Variants in CDH1 observed in about 807,000 individuals in gnomAD.
The protein encoded by CDH1 is cadherin-1.
Under a neutral mutation model 84.5 loss-of-function variants are expected in CDH1, and 35 were observed. That is an observed-to-expected ratio of 0.41 (90% CI 0.32 to 0.55). The LOEUF (loss-of-function observed/expected upper bound fraction) is 0.55, where lower values mean the gene tolerates loss of function less well. Ranked by LOEUF, CDH1 falls within the 20% of genes least tolerant of loss-of-function variation. CDH1 has a pLI of 0.19. For synonymous variants in CDH1, 417 were observed against 439.0 expected (o/e 0.95, Z 0.63); for missense variants, 994 against 1,126.6 (o/e 0.88, Z 1.68).
intron 15 of CDH1, among the ~76,000 whole-genome samples, chr16:68,832,743 C>T (rs1961517432): frequency 6.6e-6 from 1 of 152,084 alleles, no homozygotes; most frequent in African/African-American, 2.4e-5. Flanking sequence ...TCGCTTGAAC[C>T]TGGGAGGCAG....
intron 3 of CDH1, among the ~76,000 whole-genome samples, chr16:68,802,136 C>CA (rs1450302178): frequency 1.3e-5 from 2 of 152,196 alleles, no homozygotes; most frequent in Non-Finnish European, 2.9e-5. Flanking sequence ...CCTGGGGGGA[C>CA]AAATCAGCCC....
At chr16:68,777,361 A>G (rs1296232438) in intron 2 of CDH1, among the ~76,000 whole-genome samples, 1 of 152,180 alleles carries the variant, frequency 6.6e-6, no homozygotes, top group Non-Finnish European at 1.5e-5. Context: ...AGACAATAAT[A>G]GTACCTAATT....
At chr16:68,796,805 A>G (rs1960374404) in intron 2 of CDH1, among the ~76,000 whole-genome samples, 1 of 152,152 alleles carries the variant, frequency 6.6e-6, no homozygotes, top group African/African-American at 2.4e-5. Flanking sequence ...AGGCCAAGTA[A>G]TACAAGGATA....
chr16:68,803,121 C>A lies in CDH1; in HGVS notation c.387+1228C>A, dbSNP rs191530885. Among the ~76,000 whole-genome samples the A allele has an allele frequency of 8.5e-5, 13 of 152,114 alleles. 1 individual carries two copies. The highest frequency in any genetic ancestry group is 1.6e-4 in the Non-Finnish European group (11 of 68,024). ...GTTGTGTCCTGCTTACTGCTTTGGACGTGTGGAATATGTTGTAAGTGCCAG... is the reference window on the plus strand; with the variant it reads ...GTTGTGTCCTGCTTACTGCTTTGGAAGTGTGGAATATGTTGTAAGTGCCAG... On this transcript the variant is annotated intron_variant, in intron 3 of 15. Coordinates refer to ENST00000261769, the MANE Select transcript of CDH1 (RefSeq NM_004360.5).
rs2152136954 is a variant in CDH1 at position 68,819,387 on chromosome 16, A to T, written c.1673A>T (p.Asn558Ile). ...LDREDFEHVK[N>I]STYTALIIAT... is the part of the protein sequence containing the mutation. ...AGGGAGGATTTTGAGCACGTGAAGA[A>T]CAGCACGTACACAGCCCTAATCATA... Residue 558 changes from asparagine to isoleucine, a missense_variant, in exon 11 of 16, where the codon AAC becomes ATC. By Grantham distance (149) the Asn-to-Ile change is moderately radical. This residue lies in a region of CDH1 where 769 missense variants were observed against 881.8 expected (regional missense o/e 0.87). Transcript: ENST00000261769. 6.2e-7 allele frequency: 1 copy of T among 1,613,952 alleles called. No homozygotes were observed. The highest frequency in any genetic ancestry group is 8.5e-7 in the Non-Finnish European group (1 of 1,180,032).
chr16:68,793,439 C>T (rs543496690), intron 2 of CDH1, among the ~76,000 whole-genome samples: 25 of 152,328 alleles, frequency 1.6e-4, no homozygotes, highest in Admixed American at 2.6e-4. Context: ...GAACTAACTT[C>T]TCAGATCCAT....
chr16:68,791,059 T>C (rs1960193158), intron 2 of CDH1, among the ~76,000 whole-genome samples: 1 of 152,154 alleles, frequency 6.6e-6, no homozygotes, highest in Non-Finnish European at 1.5e-5. Flanking sequence ...TGTGCTAAAA[T>C]CATGTTAATT....
At chr16:68,781,488 A>C (rs1248796012) in intron 2 of CDH1, among the ~76,000 whole-genome samples, 2 of 152,026 alleles carry the variant, frequency 1.3e-5, no homozygotes, top group Non-Finnish European at 2.9e-5. Flanking sequence ...CTACAGGAGC[A>C]TGCCACTACA....
intron 2 of CDH1, among the ~76,000 whole-genome samples, chr16:68,777,534 C>CTTTTTTT (rs71148949): frequency 0.031 from 2,362 of 76,852 alleles, 95 homozygotes; most frequent in African/African-American, 0.036. Context: ...GTAATGTTTC[C>CTTTTTTT]TTTTTTTTTT....
At chr16:68,770,465 C>T (rs1476426444) in intron 2 of CDH1, among the ~76,000 whole-genome samples, 6 of 152,058 alleles carry the variant, frequency 3.9e-5, no homozygotes, top group African/African-American at 1.4e-4. Flanking sequence ...TGGGTACCAG[C>T]CAGTTGACAT....
intron 2 of CDH1, among the ~76,000 whole-genome samples, chr16:68,792,949 C>T (rs1008474524): frequency 1.3e-5 from 2 of 152,114 alleles, no homozygotes; most frequent in African/African-American, 2.4e-5. Context: ...AAGACAGAGA[C>T]GATACATAAT....
intron 6 of CDH1, 90 bp downstream of exon 6, chr16:68,810,431 C>A (rs35378501): frequency 7.9e-7 from 1 of 1,267,434 alleles, no homozygotes; most frequent in Non-Finnish European, 1.2e-6. Flanking sequence ...GGTTGTGTAA[C>A]TAAAGCTGAT....
chr16:68,819,201 T>C (rs2152136611), intron 10 of CDH1, 79 bp from the exon 11 acceptor site: 7 of 1,529,782 alleles, frequency 4.6e-6, no homozygotes, highest in Non-Finnish European at 6.3e-6. Context: ...ACCATATAAC[T>C]GAAGAAGCGC....
chr16:68,810,404 T>C, intron 6 of CDH1, 63 bp downstream of exon 6: 1 of 1,521,116 alleles, frequency 6.6e-7, no homozygotes, highest in Non-Finnish European at 9.1e-7. Flanking sequence ...GACCCCAAAG[T>C]GTTGTCCAAG....
At chr16:68,831,349 C>A (rs1371276877) in intron 15 of CDH1, among the ~76,000 whole-genome samples, 1 of 151,302 alleles carries the variant, frequency 6.6e-6, no homozygotes, top group Non-Finnish European at 1.5e-5. Context: ...CTTGGCCTCC[C>A]AAAGTGTTGG....
chr16:68,787,940 C>G (rs60659378), intron 2 of CDH1, among the ~76,000 whole-genome samples: 2,018 of 151,106 alleles, frequency 0.013, 47 homozygotes, highest in African/African-American at 0.047. Flanking sequence ...ATTCTCCTGC[C>G]TCAGCCTCCT....
intron 2 of CDH1, among the ~76,000 whole-genome samples, chr16:68,798,125 G>A (rs1229303521): frequency 1.3e-5 from 2 of 152,112 alleles, no homozygotes; most frequent in Non-Finnish European, 2.9e-5. Flanking sequence ...GTAGTGGGGA[G>A]TGGGGTCTTA....
chr16:68,769,170 C>T (rs915974157), intron 2 of CDH1, among the ~76,000 whole-genome samples: 2 of 152,170 alleles, frequency 1.3e-5, no homozygotes, highest in Non-Finnish European at 2.9e-5. Flanking sequence ...AGGGCTTGGG[C>T]TCAGAATTCT....
chr16:68,798,323 T>C (rs1250222000), intron 2 of CDH1, among the ~76,000 whole-genome samples: 1 of 152,184 alleles, frequency 6.6e-6, no homozygotes, highest in African/African-American at 2.4e-5. Context: ...GCCATTCTTC[T>C]TTCCTCCCAC....
Sources: allele counts gnomAD v4.1 joint callset (sites outside exome capture counted in the v4.1 genomes callset), GRCh38; gene constraint gnomAD v4.1.1; regional missense constraint gnomAD v4.1.1; transcripts MANE v1.5; gene names NCBI Gene and HGNC (gene_info 2026-07-23, HGNC 2026-07-21).